The following RGS7 variants were observed in gnomAD, a reference collection of about 807,000 sequenced individuals.
The protein encoded by RGS7 is regulator of G-protein signaling 7.
In RGS7, 27 loss-of-function variants were observed where a neutral mutation model predicts 81.1. The ratio of observed to expected loss-of-function variants is 0.33; its 90% CI spans 0.25 to 0.46. The LOEUF is 0.46. RGS7 is among the 20% of genes least tolerant of loss of function. The pLI, the probability that RGS7 is intolerant of heterozygous loss-of-function variation, is 1.00. For synonymous variants in RGS7, 208 were observed against 207.7 expected (o/e 1.00, Z -0.01); for missense variants, 396 against 607.4 (o/e 0.65, Z 3.66).
chr1:241,231,369 G>C (rs1157468646), intron 2 of RGS7, among the ~76,000 whole-genome samples: 1 of 152,116 alleles, frequency 6.6e-6, no homozygotes, highest in Non-Finnish European at 1.5e-5. Flanking sequence ...TAAATGTGGA[G>C]TGTCTTCCTC....
At chr1:240,863,123 G>A (rs796466727) in intron 9 of RGS7, among the ~76,000 whole-genome samples, 7 of 152,168 alleles carry the variant, frequency 4.6e-5, no homozygotes, top group Admixed American at 2.0e-4. Context: ...CCTGGCTAAT[G>A]TTTTGTAGAG....
At chr1:240,823,810 TC>T (rs1312778957) in intron 10 of RGS7, among the ~76,000 whole-genome samples, 1 of 147,842 alleles carries the variant, frequency 6.8e-6, no homozygotes. Flanking sequence ...TCTGTCTCTC[TC>T]CCCCCTCCCG....
At chr1:241,011,323 G>A (rs1411483719) in intron 3 of RGS7, among the ~76,000 whole-genome samples, 2 of 152,176 alleles carry the variant, frequency 1.3e-5, no homozygotes, top group Admixed American at 1.3e-4. Flanking sequence ...CAGCAGGGGA[G>A]GAAACGGCCT....
chr1:241,215,356 C>A (rs1468702656), intron 2 of RGS7, among the ~76,000 whole-genome samples: 1 of 152,188 alleles, frequency 6.6e-6, no homozygotes, highest in African/African-American at 2.4e-5. Context: ...CTTCACGGGA[C>A]TCATACTTCA....
chr1:240,856,433 T>C (rs1227866603), intron 9 of RGS7, among the ~76,000 whole-genome samples: 1 of 152,210 alleles, frequency 6.6e-6, no homozygotes, highest in Non-Finnish European at 1.5e-5. Context: ...ACTATAAATG[T>C]TGGTTGAAAG....
At chr1:241,035,962 T>C (rs1424832286) in intron 3 of RGS7, among the ~76,000 whole-genome samples, 3 of 152,244 alleles carry the variant, frequency 2.0e-5, no homozygotes, top group Non-Finnish European at 2.9e-5. Context: ...TTCCACATTA[T>C]ACTATAGATG....
At chr1:241,348,363 A>G (rs535280054) in intron 2 of RGS7, among the ~76,000 whole-genome samples, 15 of 152,280 alleles carry the variant, frequency 9.9e-5, no homozygotes, top group African/African-American at 3.6e-4. Context: ...GCTAAACTAC[A>G]GGTCAGAGAA....
Position 241,092,217 on chromosome 1 carries a change from C to T in RGS7, c.175+6449G>A, listed in dbSNP as rs142844510. The stretch of plus-strand genomic sequence containing the variant: ...TCAGTTTTAATTCACTCAAATATGC[C>T]TGTAGCCAAGGTAAATGGTATAGTT... On this transcript the variant is annotated intron_variant, in intron 3 of 18. Coordinates refer to ENST00000440928, the MANE Select transcript of RGS7 (RefSeq NM_001364886.1). Among the ~76,000 whole-genome samples the T allele has an allele frequency of 5.9e-5, 9 of 152,272 alleles. No individual in the cohort carries two copies. In the East Asian group the frequency reaches 1.7e-3, roughly 29 times the overall value.
chr1:241,329,782 G>C (rs1256995129), intron 2 of RGS7, among the ~76,000 whole-genome samples: 1 of 152,044 alleles, frequency 6.6e-6, no homozygotes, highest in East Asian at 1.9e-4. Context: ...GGAAACATTT[G>C]ACAATGTTTC....
intron 2 of RGS7, among the ~76,000 whole-genome samples, chr1:241,266,917 A>G (rs576557189): frequency 6.6e-6 from 1 of 152,332 alleles, no homozygotes; most frequent in African/African-American, 2.4e-5. Flanking sequence ...GATTGTACTT[A>G]CAAGACCAAT....
chr1:241,095,168 A>G (rs2064161869), intron 3 of RGS7, among the ~76,000 whole-genome samples: 1 of 152,198 alleles, frequency 6.6e-6, no homozygotes, highest in South Asian at 2.1e-4. Context: ...CAATAAAACA[A>G]GCATGCTCCC....
At chr1:241,303,290 A>C (rs188633644) in intron 2 of RGS7, among the ~76,000 whole-genome samples, 184 of 151,708 alleles carry the variant, frequency 1.2e-3, no homozygotes, top group Middle Eastern at 3.4e-3. Context: ...AATGTGCAGC[A>C]CCTCCCACTG....
intron 2 of RGS7, among the ~76,000 whole-genome samples, chr1:241,220,987 A>AAGGG (rs2074899708): frequency 1.7e-5 from 1 of 60,108 alleles, no homozygotes; most frequent in Non-Finnish European, 3.8e-5. Context: ...GGAAGGAAGG[A>AAGGG]AGGAAGGAAG....
intron 3 of RGS7, among the ~76,000 whole-genome samples, chr1:241,059,837 C>G (rs931096794): frequency 5.3e-5 from 8 of 152,200 alleles, no homozygotes; most frequent in African/African-American, 1.2e-4. Flanking sequence ...AACTGATCCT[C>G]TTTGCACAAA....
intron 1 of RGS7, among the ~76,000 whole-genome samples, chr1:241,356,332 G>C (rs1341465): frequency 0.11 from 16,045 of 152,062 alleles, 953 homozygotes; most frequent in South Asian, 0.21. Context: ...TCCAGCGCAC[G>C]GGCTTCCTCT....
chr1:241,190,767 A>G (rs1026824471), intron 2 of RGS7, among the ~76,000 whole-genome samples: 2 of 151,836 alleles, frequency 1.3e-5, no homozygotes, highest in African/African-American at 4.8e-5. Flanking sequence ...GAAAATGGTG[A>G]CTGTTTTTTT....
rs118113190 is a variant in RGS7 at position 241,201,090 on chromosome 1, G to A, written c.79-102328C>T. ...TTACCACTTCTGGTCACCTCTGTAA[G>A]ACACCTGGGAATCATCAGCTTTCTC... On this transcript the variant is annotated intron_variant, in intron 2 of 18. Coordinates refer to ENST00000440928, the MANE Select transcript of RGS7 (RefSeq NM_001364886.1). Among the ~76,000 whole-genome samples, 165 of 152,210 alleles carry A rather than the reference G, an allele frequency of 1.1e-3. 3 individuals are homozygous for A. The East Asian group carries it at 0.028, about 26-fold the overall frequency.
At chr1:240,838,770 A>G (rs955787911) in intron 9 of RGS7, among the ~76,000 whole-genome samples, 1 of 142,878 alleles carries the variant, frequency 7.0e-6, no homozygotes, top group Admixed American at 7.0e-5. Context: ...ATTTTTTATT[A>G]TTTTTTTTTT....
intron 6 of RGS7, among the ~76,000 whole-genome samples, chr1:240,894,221 GTC>G (rs1366499983): frequency 1.3e-5 from 2 of 152,104 alleles, no homozygotes; most frequent in African/African-American, 4.8e-5. Context: ...TAAAAGTAAA[GTC>G]TCTTTTTCCT....
Sources: gnomAD v4.1 joint callset for allele counts (sites outside exome capture counted in the v4.1 genomes callset) on GRCh38, gnomAD v4.1.1 for gene constraint, MANE v1.5 for transcripts, NCBI Gene and HGNC (gene_info 2026-07-23, HGNC 2026-07-21) for gene names.